The following KCNMA1 variants were observed in gnomAD, a reference collection of about 807,000 sequenced individuals.
The protein encoded by KCNMA1 is Calcium-activated potassium channel subunit alpha-1.
Under a neutral mutation model 140.0 loss-of-function variants are expected in KCNMA1, and 29 were observed. That is an observed-to-expected ratio of 0.21 (90% CI 0.15 to 0.28). The LOEUF (loss-of-function observed/expected upper bound fraction) is 0.28, where lower values mean the gene tolerates loss of function less well. Among genes scored for constraint, KCNMA1 ranks in the 10% least tolerant of loss-of-function variants. KCNMA1 has a pLI of 1.00. For synonymous variants in KCNMA1, 612 were observed against 611.9 expected, an observed-to-expected ratio of 1.00 and a Z score of 0.00; for missense variants, 880 against 1,602.2, an observed-to-expected ratio of 0.55 and a Z score of 7.70.
At chr10:77,352,589 C>T (rs2154387516) in intron 2 of KCNMA1, among the ~76,000 whole-genome samples, 1 of 151,930 alleles carries the variant, frequency 6.6e-6, no homozygotes, top group South Asian at 2.1e-4. Context: ...AAACAGTGAA[C>T]TAAGTCTAAA....
intron 5 of KCNMA1, among the ~76,000 whole-genome samples, chr10:77,142,305 A>G (rs1397308150): frequency 1.3e-5 from 2 of 151,384 alleles, no homozygotes; most frequent in African/African-American, 2.4e-5. Flanking sequence ...TGGGAGGTGG[A>G]GCTTGCAGTA....
At chr10:77,636,975 G>A in intron 1 of KCNMA1, 1 of 1,410,058 alleles carries the variant, frequency 7.1e-7, no homozygotes, top group Non-Finnish European at 9.2e-7. Flanking sequence ...GTGAGTCCCC[G>A]ACCCCGGCCC....
chr10:77,277,692 C>A (rs927795022), intron 2 of KCNMA1, among the ~76,000 whole-genome samples: 1 of 152,214 alleles, frequency 6.6e-6, no homozygotes, highest in Non-Finnish European at 1.5e-5. Context: ...TGCAACAGAT[C>A]ACATTTCTCA....
intron 21 of KCNMA1, chr10:76,951,965 G>A: frequency 2.2e-6 from 3 of 1,381,490 alleles, no homozygotes; most frequent in Non-Finnish European, 3.0e-6. Flanking sequence ...ATGGTGTGTG[G>A]CACATAGTAG....
At chr10:77,440,982 C>T (rs915697295) in intron 1 of KCNMA1, among the ~76,000 whole-genome samples, 1 of 147,434 alleles carries the variant, frequency 6.8e-6, no homozygotes, top group South Asian at 2.1e-4. Flanking sequence ...CCATGCCTGG[C>T]TAATTTTTTC....
chr10:76,881,275 T>C (rs893474456), downstream of KCNMA1, among the ~76,000 whole-genome samples: 1 of 152,204 alleles, frequency 6.6e-6, no homozygotes, highest in Admixed American at 6.5e-5. Context: ...GAACAAGTTA[T>C]TAGCAAATTT....
chr10:77,597,068 G>C (rs1190749135), intron 1 of KCNMA1, among the ~76,000 whole-genome samples: 1 of 152,090 alleles, frequency 6.6e-6, no homozygotes, highest in Non-Finnish European at 1.5e-5. Context: ...TTTTGACTTA[G>C]GAATTCCGCT....
At chr10:77,178,324 T>TA (rs2098771654) in intron 5 of KCNMA1, among the ~76,000 whole-genome samples, 1 of 152,032 alleles carries the variant, frequency 6.6e-6, no homozygotes, top group Non-Finnish European at 1.5e-5. Context: ...CAGTAGGTAA[T>TA]AAAAATGGGC....
chr10:77,593,181 G>A (rs560600830), intron 1 of KCNMA1, among the ~76,000 whole-genome samples: 23 of 152,168 alleles, frequency 1.5e-4, no homozygotes, highest in Non-Finnish European at 2.9e-4. Context: ...AAGGATCAAC[G>A]TCCCACCCAA....
intron 19 of KCNMA1, among the ~76,000 whole-genome samples, chr10:76,976,707 A>G (rs1216109817): frequency 6.6e-6 from 1 of 152,052 alleles, no homozygotes; most frequent in Non-Finnish European, 1.5e-5. Flanking sequence ...ATCATTGCCC[A>G]ACACTCCGCC....
intron 1 of KCNMA1, among the ~76,000 whole-genome samples, chr10:77,476,815 G>A (rs988836902): frequency 1.3e-4 from 20 of 152,184 alleles, no homozygotes; most frequent in Non-Finnish European, 2.6e-4. Context: ...TTCCATGAAT[G>A]AATGAATGAA....
intron 2 of KCNMA1, among the ~76,000 whole-genome samples, chr10:77,386,324 C>G (rs2154434878): frequency 6.6e-6 from 1 of 152,342 alleles, no homozygotes; most frequent in African/African-American, 2.4e-5. Flanking sequence ...TTATAATGTC[C>G]TATAAATCAC....
intron 3 of KCNMA1, among the ~76,000 whole-genome samples, chr10:77,188,832 T>G (rs2098909155): frequency 6.6e-6 from 1 of 152,126 alleles, no homozygotes; most frequent in Non-Finnish European, 1.5e-5. Context: ...CTACCCAGGT[T>G]TTTTTTCAGA....
intron 2 of KCNMA1, among the ~76,000 whole-genome samples, chr10:77,337,194 T>C (rs998114496): frequency 2.0e-5 from 3 of 152,202 alleles, no homozygotes; most frequent in Admixed American, 6.5e-5. Flanking sequence ...AATAAGTATT[T>C]GTAGTTCCCT....
At chr10:77,561,078 A>T (rs1326133903) in intron 1 of KCNMA1, among the ~76,000 whole-genome samples, 1 of 152,172 alleles carries the variant, frequency 6.6e-6, no homozygotes, top group African/African-American at 2.4e-5. Context: ...TCAATTAAAA[A>T]TAGCATAGAT....
chr10:77,300,187 C>T (rs1203326652), intron 2 of KCNMA1, among the ~76,000 whole-genome samples: 9 of 152,196 alleles, frequency 5.9e-5, no homozygotes, highest in Non-Finnish European at 1.3e-4. Flanking sequence ...AGATTCGGTA[C>T]CCTGATTAAG....
intron 1 of KCNMA1, among the ~76,000 whole-genome samples, chr10:77,504,496 T>C (rs1199047453): frequency 6.6e-6 from 1 of 152,152 alleles, no homozygotes; most frequent in Non-Finnish European, 1.5e-5. Context: ...GAAGAAACTT[T>C]TACCTCCTAC....
intron 3 of KCNMA1, among the ~76,000 whole-genome samples, chr10:77,193,847 T>C (rs879690689): frequency 6.6e-6 from 1 of 152,144 alleles, no homozygotes; most frequent in African/African-American, 2.4e-5. Context: ...AATGCTGGCA[T>C]GGGGAATGGA....
At chr10:77,256,748 C>A (rs906040771) in intron 2 of KCNMA1, among the ~76,000 whole-genome samples, 3 of 152,054 alleles carry the variant, frequency 2.0e-5, no homozygotes, top group African/African-American at 4.8e-5. Context: ...AAGGCAGAGA[C>A]CCTTCTCAGA....
Sources: allele counts gnomAD v4.1 joint callset (sites outside exome capture counted in the v4.1 genomes callset), GRCh38; gene constraint gnomAD v4.1.1; transcripts MANE v1.5; gene names NCBI Gene and HGNC (gene_info 2026-07-23, HGNC 2026-07-21).